Variants in DACH2 observed in about 807,000 individuals in gnomAD.
DACH2 encodes dachshund homolog 2.
DACH2 carries 17 observed loss-of-function variants against 35.8 expected under a neutral mutation model. That is an observed-to-expected ratio of 0.48 (90% CI 0.33 to 0.71). The LOEUF (loss-of-function observed/expected upper bound fraction) is 0.71. Ranked by LOEUF, DACH2 falls within the 30% of genes least tolerant of loss-of-function variation. The probability of loss-of-function intolerance (pLI) is 0.02; values close to 1 mark genes in which losing one functional copy is unlikely to be tolerated. For missense variants in DACH2, 469 were observed against 472.7 expected (o/e 0.99, Z 0.07); for synonymous variants, 195 against 177.3 (o/e 1.10, Z -0.79).
At chrX:86,317,697 C>T (rs1378896333) in intron 1 of DACH2, among the ~76,000 whole-genome samples, 1 of 111,910 alleles carries the variant, frequency 8.9e-6, no homozygotes, top group African/African-American at 3.3e-5. Context: ...TTTTTATTGG[C>T]TTTGATGGAA....
At chrX:86,286,072 A>T (rs1366293237) in intron 1 of DACH2, among the ~76,000 whole-genome samples, 1 of 109,031 alleles carries the variant, frequency 9.2e-6, no homozygotes, top group Non-Finnish European at 1.9e-5. Flanking sequence ...TCTTGTAGGC[A>T]ACAAATCAAT....
At chrX:86,327,644 C>T (rs1482069190) in intron 1 of DACH2, among the ~76,000 whole-genome samples, 1 of 111,877 alleles carries the variant, frequency 8.9e-6, no homozygotes, top group African/African-American at 3.2e-5. Flanking sequence ...TTTCAGTTAT[C>T]TCAGAATTGT....
chrX:86,198,080 C>A (rs2032042434), intron 1 of DACH2, among the ~76,000 whole-genome samples: 2 of 112,019 alleles, frequency 1.8e-5, no homozygotes, highest in Non-Finnish European at 3.8e-5. Flanking sequence ...GACCACAGCA[C>A]AATCAAATTA....
At chrX:86,724,384 A>G (rs2148467777) in intron 6 of DACH2, among the ~76,000 whole-genome samples, 1 of 111,838 alleles carries the variant, frequency 8.9e-6, no homozygotes, top group East Asian at 2.8e-4. Flanking sequence ...TATGATCAGT[A>G]TGGTGGGGAG....
At chrX:86,720,747 C>T (rs986545896) in intron 6 of DACH2, among the ~76,000 whole-genome samples, 3 of 112,454 alleles carry the variant, frequency 2.7e-5, no homozygotes, top group Non-Finnish European at 3.8e-5. Flanking sequence ...AGGCAGTGCC[C>T]CAGTGGGGGA....
At chrX:86,161,748 C>T (rs1040121564) in intron 1 of DACH2, among the ~76,000 whole-genome samples, 5 of 111,935 alleles carry the variant, frequency 4.5e-5, no homozygotes, top group Non-Finnish European at 9.4e-5. Context: ...AATTGGTATA[C>T]GTACATTTGA....
intron 3 of DACH2, among the ~76,000 whole-genome samples, chrX:86,616,798 T>C (rs1482383468): frequency 8.9e-6 from 1 of 112,561 alleles, no homozygotes; most frequent in African/African-American, 3.2e-5. Flanking sequence ...TTTGCTTTTG[T>C]GGCAATCGCT....
chrX:86,294,117 T>G (rs2034381869), intron 1 of DACH2, among the ~76,000 whole-genome samples: 1 of 111,423 alleles, frequency 9.0e-6, no homozygotes, highest in Admixed American at 9.6e-5. Flanking sequence ...GAGGCTTTGC[T>G]CGTTTCTTTT....
intron 1 of DACH2, among the ~76,000 whole-genome samples, chrX:86,354,124 A>G (rs774771937): frequency 0.024 from 670 of 28,164 alleles, 206 homozygotes; most frequent in African/African-American, 0.17. Context: ...ATGAGATATC[A>G]TCTCACACCA....
intron 1 of DACH2, among the ~76,000 whole-genome samples, chrX:86,346,695 A>C (rs2035503164): frequency 9.0e-6 from 1 of 111,661 alleles, no homozygotes; most frequent in African/African-American, 3.3e-5. Flanking sequence ...TCCAAATTAC[A>C]TATTGTTCTG....
chrX:86,435,667 T>A (rs1455177740), intron 2 of DACH2, among the ~76,000 whole-genome samples: 1 of 111,874 alleles, frequency 8.9e-6, no homozygotes, highest in African/African-American at 3.2e-5. Context: ...TAGGTAAAGG[T>A]TGAATTTCTA....
chrX:86,754,975 C>G (rs2041812561), intron 7 of DACH2, among the ~76,000 whole-genome samples: 2 of 111,087 alleles, frequency 1.8e-5, no homozygotes, highest in African/African-American at 6.5e-5. Flanking sequence ...TATGATAGTT[C>G]CAGTTTTAGT....
At chrX:86,382,461 TACAC>T (rs55825336) in intron 2 of DACH2, among the ~76,000 whole-genome samples, 1,800 of 94,576 alleles carry the variant, frequency 0.019, 56 homozygotes, top group African/African-American at 0.062. Context: ...GCTACATTCA[TACAC>T]ACACACACAC....
At chrX:86,237,108 G>T (rs1207077529) in intron 1 of DACH2, among the ~76,000 whole-genome samples, 1 of 111,143 alleles carries the variant, frequency 9.0e-6, no homozygotes, top group African/African-American at 3.3e-5. Flanking sequence ...ATAAACATGA[G>T]CCTAGGCCTA....
intron 1 of DACH2, among the ~76,000 whole-genome samples, chrX:86,305,412 A>G (rs1018440636): frequency 1.8e-5 from 2 of 110,815 alleles, no homozygotes; most frequent in African/African-American, 3.3e-5. Flanking sequence ...TCTTGCCTAG[A>G]AAAAAAAATA....
intron 2 of DACH2, among the ~76,000 whole-genome samples, chrX:86,423,753 CT>C (rs1402548019): frequency 9.0e-6 from 1 of 110,731 alleles, no homozygotes; most frequent in Non-Finnish European, 1.9e-5. Context: ...GTCCTGGAGA[CT>C]TTTCCCAATG....
chrX:86,450,335 C>T (rs1165722296), intron 2 of DACH2, among the ~76,000 whole-genome samples: 1 of 111,342 alleles, frequency 9.0e-6, no homozygotes, highest in Non-Finnish European at 1.9e-5. Flanking sequence ...TTGGTTTTCT[C>T]TTCCTGCATT....
intron 3 of DACH2, among the ~76,000 whole-genome samples, chrX:86,589,123 T>C (rs955582085): frequency 8.9e-6 from 1 of 111,950 alleles, no homozygotes; most frequent in Non-Finnish European, 1.9e-5. Context: ...AGTGATCGTA[T>C]GGTTTTTGTC....
chrX:86,411,668 A>G (rs2036616744), intron 2 of DACH2, among the ~76,000 whole-genome samples: 1 of 112,027 alleles, frequency 8.9e-6, no homozygotes, highest in Admixed American at 9.5e-5. Flanking sequence ...GAAATAAAAT[A>G]AAGACATTTT....
Sources: allele counts gnomAD v4.1 joint callset (sites outside exome capture counted in the v4.1 genomes callset), GRCh38; gene constraint gnomAD v4.1.1; transcripts MANE v1.5; gene names NCBI Gene and HGNC (gene_info 2026-07-23, HGNC 2026-07-21).